The following TTC6 variants were observed in gnomAD, a reference collection of about 807,000 sequenced individuals.
TTC6 encodes the protein tetratricopeptide repeat domain 6.
TTC6 carries 172 observed loss-of-function variants against 210.4 expected under a neutral mutation model. The observed-to-expected ratio is 0.82, with a 90% CI of 0.72 to 0.93. The LOEUF (loss-of-function observed/expected upper bound fraction) is 0.93. Ranked by LOEUF, TTC6 falls within the 40% of genes least tolerant of loss-of-function variation. The pLI is 0.00. For missense variants in TTC6, 2,414 were observed against 2,318.1 expected (o/e 1.04, Z -0.85); for synonymous variants, 804 against 819.6 (o/e 0.98, Z 0.32).
At chr14:37,618,841 A>G (rs567551222), upstream of TTC6, among the ~76,000 whole-genome samples, 1 of 152,342 alleles carries the variant, frequency 6.6e-6, no homozygotes, top group East Asian at 1.9e-4. Context: ...GTTAAACTTC[A>G]ATAGCAAACC....
intron 8 of TTC6, among the ~76,000 whole-genome samples, chr14:37,737,114 G>A (rs1027503469): frequency 3.9e-5 from 6 of 152,096 alleles, no homozygotes; most frequent in African/African-American, 9.7e-5. Flanking sequence ...ATGGAACATA[G>A]CATTTTCTTT....
At chr14:37,638,080 C>T (rs2095684532) in intron 1 of TTC6, among the ~76,000 whole-genome samples, 1 of 151,958 alleles carries the variant, frequency 6.6e-6, no homozygotes, top group Non-Finnish European at 1.5e-5. Context: ...TGTCAACAAC[C>T]CAGATGTCCT....
intron 2 of TTC6, among the ~76,000 whole-genome samples, chr14:37,610,545 A>T (rs996384046): frequency 9.9e-5 from 15 of 152,192 alleles, no homozygotes; most frequent in African/African-American, 3.4e-4. Context: ...TTGAGCTTTT[A>T]AAAAATGGTG....
chr14:37,621,689 T>A (rs548197003), upstream of TTC6, among the ~76,000 whole-genome samples: 2 of 152,314 alleles, frequency 1.3e-5, no homozygotes, highest in South Asian at 4.1e-4. Context: ...GTTTGTGACC[T>A]TTATTCTGTT....
chr14:37,650,268 C>CTGGG (rs1257254311), intron 1 of TTC6, among the ~76,000 whole-genome samples: 1 of 152,218 alleles, frequency 6.6e-6, no homozygotes, highest in African/African-American at 2.4e-5. Flanking sequence ...CAAGATCTCA[C>CTGGG]TGGGTGAGTG....
intron 4 of TTC6, among the ~76,000 whole-genome samples, chr14:37,699,662 A>G (rs180927771): frequency 2.6e-5 from 4 of 152,196 alleles, no homozygotes; most frequent in African/African-American, 9.7e-5. Context: ...GGCTGAGGTG[A>G]TGAAGGGTAT....
chr14:37,657,165 T>C (rs1378120084), intron 1 of TTC6, among the ~76,000 whole-genome samples: 1 of 139,880 alleles, frequency 7.1e-6, no homozygotes, highest in East Asian at 2.0e-4. Flanking sequence ...TGAGTCGCGA[T>C]TGCGCAGTTG....
At chr14:37,709,977 G>A (rs1412754103) in intron 5 of TTC6, among the ~76,000 whole-genome samples, 1 of 152,138 alleles carries the variant, frequency 6.6e-6, no homozygotes, top group African/African-American at 2.4e-5. Flanking sequence ...GCGACCCAGT[G>A]AGTGGGTTGT....
chr14:37,714,811 T>C lies in TTC6; in HGVS notation c.1713+15T>C. The C allele has an allele frequency of 6.5e-7, 1 of 1,529,010 alleles. No individual in the cohort carries two copies. Among genetic ancestry groups the C allele is most frequent in the South Asian group, 1.2e-5 (1 of 83,152 alleles). The allele number at this position is 1,529,010 out of a possible 1,614,324, so 94.7% of individuals were successfully genotyped here. On this transcript the variant is annotated intron_variant, in intron 6 of 30. Coordinates refer to ENST00000553443, the Ensembl canonical transcript of TTC6. The stretch of plus-strand genomic sequence containing the variant: ...TGGGAGAGGAAGTAAGAACTTTCTT[T>C]AATATTAGTTTTTTTGTACCTCACA...
At chr14:37,837,452 C>T (rs952341961) in intron 29 of TTC6, 2 of 453,888 alleles carry the variant, frequency 4.4e-6, no homozygotes, top group African/African-American at 4.0e-5. Flanking sequence ...TCCCCCCTCC[C>T]CCCAACCTGT....
intron 20 of TTC6, among the ~76,000 whole-genome samples, chr14:37,803,552 T>C (rs1250970918): frequency 1.3e-5 from 2 of 151,922 alleles, no homozygotes; most frequent in African/African-American, 4.8e-5. Flanking sequence ...TTGGAAGGCT[T>C]GAGTAGACAA....
At chr14:37,772,757 C>T (rs1170988066) in intron 14 of TTC6, among the ~76,000 whole-genome samples, 2 of 152,154 alleles carry the variant, frequency 1.3e-5, no homozygotes, top group Non-Finnish European at 2.9e-5. Context: ...GCAGATATCA[C>T]CCGTCTTCTG....
At position 37,710,031 on chromosome 14, in the gene TTC6, A is replaced by G. The variant is rs532416245; in HGVS notation, c.1572-4624A>G. On this transcript the variant is annotated intron_variant, in intron 5 of 30. Transcript: ENST00000553443. ...TGCTATGAGCACTTTAAAAAATGGT[A>G]TCTAGAATAGAACCATTGCATGTGA... 3.3e-5 allele frequency among the ~76,000 whole-genome samples: 5 copies of G among 152,282 alleles called. No homozygotes were observed. The East Asian group carries it at 7.7e-4, about 24-fold the overall frequency.
At chr14:37,659,013 A>G (rs1454575430) in intron 1 of TTC6, among the ~76,000 whole-genome samples, 1 of 152,166 alleles carries the variant, frequency 6.6e-6, no homozygotes, top group Non-Finnish European at 1.5e-5. Flanking sequence ...CCAACTTACA[A>G]GTGAGAATAT....
chr14:37,762,291 G>A (rs894660755), intron 14 of TTC6, among the ~76,000 whole-genome samples: 6 of 152,124 alleles, frequency 3.9e-5, no homozygotes, highest in African/African-American at 1.4e-4. Flanking sequence ...GAAATGTGGA[G>A]TACAGATGTC....
At chr14:37,822,422 G>C (rs1374604940) in intron 26 of TTC6, among the ~76,000 whole-genome samples, 1 of 152,022 alleles carries the variant, frequency 6.6e-6, no homozygotes, top group African/African-American at 2.4e-5. Flanking sequence ...AGTTTATCCT[G>C]GGCTCCATGT....
intron 29 of TTC6, among the ~76,000 whole-genome samples, chr14:37,836,136 CCT>C (rs1388839172): frequency 1.3e-5 from 2 of 152,170 alleles, no homozygotes. Flanking sequence ...TCATGTAAAT[CCT>C]CTCTCAATTC....
chr14:37,810,278 C>T (rs1323264219), intron 24 of TTC6, among the ~76,000 whole-genome samples: 3 of 152,164 alleles, frequency 2.0e-5, no homozygotes, highest in African/African-American at 4.8e-5. Context: ...CCATTCCTGC[C>T]GGAAAGGTAA....
At chr14:37,773,801 T>C (rs1449298009) in intron 14 of TTC6, among the ~76,000 whole-genome samples, 1 of 152,180 alleles carries the variant, frequency 6.6e-6, no homozygotes, top group South Asian at 2.1e-4. Context: ...AAGAATCTCA[T>C]TGGTAATTTG....
Sources: allele counts gnomAD v4.1 joint callset (sites outside exome capture counted in the v4.1 genomes callset), GRCh38; gene constraint gnomAD v4.1.1; transcripts MANE v1.5; gene names NCBI Gene and HGNC (gene_info 2026-07-23, HGNC 2026-07-21).